GLRB: variants seen among roughly 807,000 people sequenced by gnomAD.
GLRB encodes the protein glycine receptor subunit beta.
In GLRB, 33 loss-of-function variants were observed where a neutral mutation model predicts 54.2. The observed-to-expected ratio is 0.61, with a 90% confidence interval of 0.46 to 0.81. The LOEUF (loss-of-function observed/expected upper bound fraction) is 0.81. Among genes scored for constraint, GLRB ranks in the 40% least tolerant of loss-of-function variants. The pLI is 0.00. For synonymous variants in GLRB, 209 were observed against 208.2 expected, an observed-to-expected ratio of 1.00 and a Z score of -0.03; for missense variants, 572 against 584.6, an observed-to-expected ratio of 0.98 and a Z score of 0.22.
chr4:157,167,125 C>T (rs889243131), intron 9 of GLRB, among the ~76,000 whole-genome samples: 11 of 152,088 alleles, frequency 7.2e-5, no homozygotes, highest in African/African-American at 2.7e-4. Context: ...ATCTAGAGTA[C>T]TCCTTTGTTA....
intron 8 of GLRB, among the ~76,000 whole-genome samples, chr4:157,148,607 C>T (rs1736902541): frequency 6.6e-6 from 1 of 152,022 alleles, no homozygotes; most frequent in Admixed American, 6.6e-5. Context: ...TCTTTGATTT[C>T]TTCTTTGGCC....
At chr4:157,083,513 A>G (rs1734300277) in intron 2 of GLRB, among the ~76,000 whole-genome samples, 1 of 152,128 alleles carries the variant, frequency 6.6e-6, no homozygotes, top group Non-Finnish European at 1.5e-5. Context: ...TTTTAGAGAA[A>G]GGTTGAGCAT....
rs570680331 is a variant in GLRB, at chr4:157,158,142, G to A, written c.1197+5132G>A. 2.0e-5 allele frequency among the ~76,000 whole-genome samples: 3 copies of A among 152,198 alleles called. No individual in the cohort carries two copies. The South Asian group carries it at 6.2e-4, about 32-fold the overall frequency. ...TGGCTGCATAAATGTCTTCTTTTAA[G>A]AAGTGTCTGTTCATATCCTTTGCCC... On this transcript the variant is annotated intron_variant, in intron 9 of 9. Coordinates refer to ENST00000264428, the MANE Select transcript of GLRB (RefSeq NM_000824.5).
At chr4:157,139,183 T>G (rs1453182942) in intron 7 of GLRB, among the ~76,000 whole-genome samples, 1 of 152,162 alleles carries the variant, frequency 6.6e-6, no homozygotes. Flanking sequence ...ATTCTTGTGG[T>G]GAGAGGTTTT....
At position 157,104,538 on chromosome 4, in the gene GLRB, T is replaced by C. The variant is rs148384786; in HGVS notation, c.123-16018T>C. Among the ~76,000 whole-genome samples the C allele has an allele frequency of 2.0e-4, 31 of 152,072 alleles. No individual in the cohort carries two copies. The South Asian group carries it at 5.4e-3, about 26-fold the overall frequency. On this transcript the variant is annotated intron_variant, in intron 2 of 9. Transcript: ENST00000264428. ...GTTTTCTTTTGATGTGTTTTTTTTT[T>C]CCTCTAGTTTTGGTATCAGAGCAAT...
At chr4:157,101,307 C>T (rs1735016976) in intron 2 of GLRB, among the ~76,000 whole-genome samples, 1 of 151,786 alleles carries the variant, frequency 6.6e-6, no homozygotes, top group Non-Finnish European at 1.5e-5. Flanking sequence ...TTTTTGGTGA[C>T]CTATAATGTT....
At position 157,120,601 on chromosome 4, in the gene GLRB, T is replaced by C. The variant is rs984685792; in HGVS notation, c.168T>C (p.Thr56=). The change falls in exon 3 of 10, where the codon ACT becomes ACC. Residue 56 remains threonine, a synonymous_variant. Coordinates refer to ENST00000264428, the MANE Select transcript of GLRB (RefSeq NM_000824.5). The stretch of plus-strand genomic sequence containing the variant: ...TTGCCCGAGTACCTGCCAACTCCAC[T>C]AGCAATATCTTGAACAGGTTATTGG... The part of the protein sequence containing the change: ...EDLARVPANS[T]SNILNRLLVS... 6.2e-7 allele frequency: 1 copy of C among 1,602,136 alleles called. No homozygotes were observed. Among genetic ancestry groups the C allele is most frequent in the Non-Finnish European group, 8.5e-7 (1 of 1,171,342 alleles).
At chr4:157,107,642 G>GT in intron 2 of GLRB, among the ~76,000 whole-genome samples, 1 of 152,102 alleles carries the variant, frequency 6.6e-6, no homozygotes. Context: ...GCAGAGGTTG[G>GT]TTCATGAGGT....
intron 2 of GLRB, among the ~76,000 whole-genome samples, chr4:157,106,712 C>T (rs1735240491): frequency 6.6e-6 from 1 of 151,984 alleles, no homozygotes; most frequent in Non-Finnish European, 1.5e-5. Flanking sequence ...CAATATCAAA[C>T]TAAGAATTAC....
rs78186243 is a variant in GLRB, at chr4:157,108,782, A to C, written c.123-11774A>C. ...TTTTGAAAGATGTTCTGTAGATAAA[A>C]GGCTATCAAACAGCACTGCATGTTA... On this transcript the variant is annotated intron_variant, in intron 2 of 9. Transcript: ENST00000264428. Among the ~76,000 whole-genome samples the C allele has an allele frequency of 4.8e-3, 727 of 152,174 alleles. 6 individuals are homozygous for C. The highest frequency in any genetic ancestry group is 0.016 in the African/African-American group (653 of 41,562).
chr4:157,151,517 T>C (rs939166987), intron 8 of GLRB, among the ~76,000 whole-genome samples: 1 of 152,138 alleles, frequency 6.6e-6, no homozygotes, highest in African/African-American at 2.4e-5. Flanking sequence ...AACTAGGAGC[T>C]TATCAAGTTG....
intron 9 of GLRB, among the ~76,000 whole-genome samples, chr4:157,158,107 A>G (rs1470337257): frequency 1.3e-5 from 2 of 151,896 alleles, no homozygotes; most frequent in Admixed American, 6.6e-5. Context: ...GCATTTTTTC[A>G]TGTGTCTGTT....
At chr4:157,163,311 A>G (rs4530680) in intron 9 of GLRB, among the ~76,000 whole-genome samples, 64,581 of 151,750 alleles carry the variant, frequency 0.43, 16,328 homozygotes, top group African/African-American at 0.71. Context: ...ACCCTGCTCC[A>G]TGGGCTGCAC....
intron 2 of GLRB, among the ~76,000 whole-genome samples, chr4:157,081,354 A>G (rs1474848231): frequency 6.6e-6 from 1 of 152,150 alleles, no homozygotes; most frequent in Non-Finnish European, 1.5e-5. Flanking sequence ...GTCTTTATGT[A>G]CAGCTCAGAT....
At chr4:157,140,402 C>A (rs1256001596) in intron 7 of GLRB, among the ~76,000 whole-genome samples, 2 of 151,904 alleles carry the variant, frequency 1.3e-5, no homozygotes, top group African/African-American at 4.8e-5. Flanking sequence ...AAATTACTGT[C>A]AGCCTTGGGA....
At chr4:157,077,429 CAATGAA>C (rs1263864563) in intron 1 of GLRB, among the ~76,000 whole-genome samples, 5 of 151,932 alleles carry the variant, frequency 3.3e-5, no homozygotes, top group Non-Finnish European at 1.5e-5. Context: ...ATAAAAAAAG[CAATGAA>C]TTTTGAATGT....
chr4:157,096,866 G>A (rs998471626), intron 2 of GLRB, among the ~76,000 whole-genome samples: 50 of 152,330 alleles, frequency 3.3e-4, no homozygotes, highest in African/African-American at 1.1e-3. Flanking sequence ...TAAGTTTCCT[G>A]ACAATAGCAA....
intron 7 of GLRB, among the ~76,000 whole-genome samples, chr4:157,142,153 T>C (rs1736640525): frequency 1.3e-5 from 2 of 152,100 alleles, no homozygotes; most frequent in South Asian, 4.1e-4. Context: ...TTTTGAAATA[T>C]TGCACATGAT....
At chr4:157,157,544 A>G (rs1011032664) in intron 9 of GLRB, among the ~76,000 whole-genome samples, 5 of 151,982 alleles carry the variant, frequency 3.3e-5, no homozygotes, top group East Asian at 3.9e-4. Context: ...CCTGTGTCCA[A>G]GTGATCTCAT....
Sources: allele counts gnomAD v4.1 joint callset (sites outside exome capture counted in the v4.1 genomes callset), GRCh38; gene constraint gnomAD v4.1.1; transcripts MANE v1.5; gene names NCBI Gene and HGNC (gene_info 2026-07-23, HGNC 2026-07-21).